Variants in CNTNAP3B observed in about 807,000 individuals in gnomAD.
CNTNAP3B encodes contactin associated protein family member 3B, also known as contactin-associated protein-like 3B.
Under a neutral mutation model 108.9 loss-of-function variants are expected in CNTNAP3B, and 25 were observed. The ratio of observed to expected loss-of-function variants is 0.23; its 90% CI spans 0.17 to 0.32. The LOEUF (loss-of-function observed/expected upper bound fraction) is 0.32, where lower values mean the gene tolerates loss of function less well. Among genes scored for constraint, CNTNAP3B ranks in the 10% least tolerant of loss-of-function variants. CNTNAP3B has a pLI of 1.00. For missense variants in CNTNAP3B, 252 were observed against 1,210.4 expected, an observed-to-expected ratio of 0.21 and a Z score of 11.75; for synonymous variants, 103 against 473.4, an observed-to-expected ratio of 0.22 and a Z score of 10.16.
At chr9:41,923,630 T>C (rs1823727599) in intron 16 of CNTNAP3B, among the ~76,000 whole-genome samples, 3 of 152,296 alleles carry the variant, frequency 2.0e-5, no homozygotes, top group Admixed American at 6.5e-5. Context: ...GGCATGGTGG[T>C]GCGTGCCTAT....
At chr9:41,925,780 C>G (rs1008674388) in intron 15 of CNTNAP3B, among the ~76,000 whole-genome samples, 2 of 152,388 alleles carry the variant, frequency 1.3e-5, no homozygotes, top group Non-Finnish European at 2.9e-5. Flanking sequence ...AGCTGACACC[C>G]ATGCCTTTTT....
At chr9:41,957,685 A>G (rs1436751799) in intron 12 of CNTNAP3B, among the ~76,000 whole-genome samples, 4 of 152,034 alleles carry the variant, frequency 2.6e-5, no homozygotes, top group Admixed American at 2.0e-4. Flanking sequence ...TATTAATTAT[A>G]GTTGTTTAAA....
Position 42,079,503 on chromosome 9 carries a change from GGTTTT to G in CNTNAP3B, c.197-2446_197-2442del, listed in dbSNP as rs1327554975. On this transcript the variant is annotated intron_variant, in intron 2 of 23. Coordinates refer to ENST00000377561, the MANE Select transcript of CNTNAP3B (RefSeq NM_001201380.3). Reference sequence around the variant, plus strand: ...TGTTTTTCTTATTACTATTTTAAGGGGTTTTGTTTTGTTTTGTTTTGTTTTTGTTT... The same window carrying G: ...TGTTTTTCTTATTACTATTTTAAGGGGTTTTGTTTTGTTTTGTTTTTGTTT... 9.5e-4 allele frequency among the ~76,000 whole-genome samples: 116 copies of G among 122,132 alleles called. 3 individuals carry two copies. The highest frequency in any genetic ancestry group is 2.8e-3 in the African/African-American group (83 of 29,868). 80.1% of individuals were successfully genotyped at this position (122,132 alleles called of 152,430 possible).
intron 14 of CNTNAP3B, among the ~76,000 whole-genome samples, chr9:41,937,535 TA>T (rs762044233): frequency 0.14 from 18,403 of 127,848 alleles, 33 homozygotes; most frequent in Middle Eastern, 0.29. Context: ...ATATTACAAA[TA>T]AAAAAAAAGA....
At chr9:42,067,178 ATTT>A (rs1159983976) in intron 3 of CNTNAP3B, among the ~76,000 whole-genome samples, 1 of 144,634 alleles carries the variant, frequency 6.9e-6, no homozygotes, top group Non-Finnish European at 1.5e-5. Flanking sequence ...TTTCCCTACT[ATTT>A]TTATTTTTCC....
intron 1 of CNTNAP3B, among the ~76,000 whole-genome samples, chr9:42,118,757 G>A (rs550104825): frequency 2.6e-5 from 3 of 115,604 alleles, no homozygotes; most frequent in South Asian, 5.8e-4. Flanking sequence ...CAGATGACAT[G>A]ATTGTGTATT....
At chr9:41,952,121 C>A (rs1173503563) in intron 13 of CNTNAP3B, among the ~76,000 whole-genome samples, 1 of 152,230 alleles carries the variant, frequency 6.6e-6, no homozygotes, top group African/African-American at 2.4e-5. Flanking sequence ...ATTGGCCAGA[C>A]GGACTAGGGA....
intron 10 of CNTNAP3B, among the ~76,000 whole-genome samples, chr9:41,969,860 G>A (rs1400177952): frequency 1.4e-5 from 2 of 142,778 alleles, no homozygotes; most frequent in East Asian, 2.1e-4. Flanking sequence ...TCCTGATCTC[G>A]TGATCCGCCA....
chr9:42,074,993 G>A (rs185410432), intron 3 of CNTNAP3B, among the ~76,000 whole-genome samples: 25 of 146,848 alleles, frequency 1.7e-4, no homozygotes, highest in East Asian at 4.0e-4. Context: ...TCTGCCGGCC[G>A]TGCTGCCTCC....
rs199864334 is a variant in CNTNAP3B at position 41,963,798 on chromosome 9, G to C, written c.1756+740C>G. Among the ~76,000 whole-genome samples the C allele has an allele frequency of 2.7e-3, 416 of 151,868 alleles. No individual in the cohort carries two copies. The East Asian group carries it at 0.072, about 26-fold the overall frequency. On this transcript the variant is annotated intron_variant, in intron 11 of 23. Transcript: ENST00000377561. ...CCTCATCTTCCCACAAACTAGCTGGGGGCCAAGTTACTTAACCTCTTTCTG... is the reference window on the plus strand; with the variant it reads ...CCTCATCTTCCCACAAACTAGCTGGCGGCCAAGTTACTTAACCTCTTTCTG...
chr9:42,098,936 C>T (rs1201523468), intron 2 of CNTNAP3B, among the ~76,000 whole-genome samples: 1 of 134,292 alleles, frequency 7.4e-6, no homozygotes, highest in African/African-American at 3.0e-5. Context: ...GATACCTGGG[C>T]AAATGCTTAC....
At chr9:41,937,927 C>T (rs1348608437) in intron 14 of CNTNAP3B, 2 of 314,678 alleles carry the variant, frequency 6.4e-6, no homozygotes, top group Admixed American at 4.9e-5. Context: ...CACATGAATA[C>T]TACGTTAATT....
Position 42,087,581 on chromosome 9 carries a change from G to A in CNTNAP3B, c.197-10519C>T, listed in dbSNP as rs1355545585. On this transcript the variant is annotated intron_variant, in intron 2 of 23. Transcript: ENST00000377561. ...GGGCAAAGGAGACAGATACAAATATGCTGAAACTCATGTTGTTGTTTGTGG... is the reference window on the plus strand; with the variant it reads ...GGGCAAAGGAGACAGATACAAATATACTGAAACTCATGTTGTTGTTTGTGG... Among the ~76,000 whole-genome samples, 128 of 145,034 alleles carry A rather than the reference G, an allele frequency of 8.8e-4. 4 individuals carry two copies. Among genetic ancestry groups the A allele is most frequent in the African/African-American group, 3.1e-3 (120 of 38,582 alleles).
At position 41,918,669 on chromosome 9, in the gene CNTNAP3B, G is replaced by T. The variant is rs1347865484; in HGVS notation, c.2995+1401C>A. 8.8e-4 allele frequency among the ~76,000 whole-genome samples: 125 copies of T among 142,216 alleles called. 8 individuals carry two copies. Among genetic ancestry groups the T allele is most frequent in the Middle Eastern group, 3.4e-3 (1 of 290 alleles). The allele number at this position is 142,216 out of a possible 152,430, so 93.3% of individuals were successfully genotyped here. A position where few individuals can be genotyped will look rare whatever the true frequency, so the allele number is the denominator to read the frequency against. On this transcript the variant is annotated intron_variant, in intron 18 of 23. Coordinates refer to ENST00000377561, the MANE Select transcript of CNTNAP3B (RefSeq NM_001201380.3). ...ATTTTCCATTTACTTACCATATAAC[G>T]TCTATCCTTAAGAAAATTTTGGGTT...
At position 42,078,476 on chromosome 9, in the gene CNTNAP3B, C is replaced by T. The variant is rs1490887446; in HGVS notation, c.197-1414G>A. Among the ~76,000 whole-genome samples the T allele has an allele frequency of 5.1e-5, 7 of 138,394 alleles. 1 individual carries two copies. Among genetic ancestry groups the T allele is most frequent in the Non-Finnish European group, 1.1e-4 (7 of 64,782 alleles). The allele number at this position is 138,394 out of a possible 152,430, so 90.8% of individuals were successfully genotyped here. A position where few individuals can be genotyped will look rare whatever the true frequency, so the allele number is the denominator to read the frequency against. On this transcript the variant is annotated intron_variant, in intron 2 of 23. Coordinates refer to ENST00000377561, the MANE Select transcript of CNTNAP3B (RefSeq NM_001201380.3). ...ATTATATATATAGTATGTACACAGACATATATATAAATATAATTTTTGTTT... is the reference window on the plus strand; with the variant it reads ...ATTATATATATAGTATGTACACAGATATATATATAAATATAATTTTTGTTT...
At chr9:42,095,304 C>T (rs1827877451) in intron 2 of CNTNAP3B, among the ~76,000 whole-genome samples, 1 of 137,828 alleles carries the variant, frequency 7.3e-6, no homozygotes, top group South Asian at 2.3e-4. Context: ...TTTCACTTAA[C>T]ATAATGTCCT....
chr9:42,098,971 C>G (rs1185575246), intron 2 of CNTNAP3B, among the ~76,000 whole-genome samples: 1 of 136,312 alleles, frequency 7.3e-6, no homozygotes, highest in Non-Finnish European at 1.6e-5. Context: ...AGGGCTGGTG[C>G]ACCCAGAGTC....
intron 9 of CNTNAP3B, among the ~76,000 whole-genome samples, chr9:41,978,539 AG>A (rs1156944572): frequency 8.3e-6 from 1 of 121,002 alleles, no homozygotes; most frequent in East Asian, 2.5e-4. Flanking sequence ...AGCTTCATAA[AG>A]GGTGGTCTAT....
At chr9:41,940,199 T>C (rs1437175996) in intron 13 of CNTNAP3B, among the ~76,000 whole-genome samples, 1 of 152,300 alleles carries the variant, frequency 6.6e-6, no homozygotes, top group Non-Finnish European at 1.5e-5. Flanking sequence ...AAATACTGGC[T>C]GTAAACTTCC....
Sources: gnomAD v4.1 joint callset for allele counts (sites outside exome capture counted in the v4.1 genomes callset) on GRCh38, gnomAD v4.1.1 for gene constraint, MANE v1.5 for transcripts, NCBI Gene and HGNC (gene_info 2026-07-23, HGNC 2026-07-21) for gene names.